Variants in ANK2 observed in about 807,000 individuals in gnomAD.
ANK2 encodes the protein ankyrin 2, also known as ankyrin-2.
Under a neutral mutation model 360.5 loss-of-function variants are expected in ANK2, and 83 were observed. The ratio of observed to expected loss-of-function variants is 0.23; its 90% CI spans 0.19 to 0.28. The LOEUF (loss-of-function observed/expected upper bound fraction) is 0.28, where lower values mean the gene tolerates loss of function less well. ANK2 is among the 10% of genes least tolerant of loss of function. The pLI is 1.00. For synonymous variants in ANK2, 1,740 were observed against 1,759.5 expected, an observed-to-expected ratio of 0.99 and a Z score of 0.28; for missense variants, 4,201 against 4,795.7, an observed-to-expected ratio of 0.88 and a Z score of 3.66.
Position 112,937,004 on chromosome 4 carries a change from A to G in ANK2, c.21+32490A>G, listed in dbSNP as rs535947354. 7.2e-5 allele frequency among the ~76,000 whole-genome samples: 11 copies of G among 152,154 alleles called. No individual in the cohort carries two copies. The South Asian group carries it at 1.9e-3, about 26-fold the overall frequency. ...GAGACAAGGTCTTACTGTGTTGCTC[A>G]GGCTGGTCTTGGACTGAACTCAAGC... On this transcript the variant is annotated intron_variant, in intron 2 of 30. Transcript: ENST00000503271.
chr4:113,306,112 G>T (rs1452409674), intron 23 of ANK2, among the ~76,000 whole-genome samples: 1 of 152,128 alleles, frequency 6.6e-6, no homozygotes, highest in Non-Finnish European at 1.5e-5. Flanking sequence ...ATGCCACAGT[G>T]GTCAAAGGTG....
chr4:113,190,463 A>G (rs1305189107), intron 2 of ANK2, among the ~76,000 whole-genome samples: 2 of 150,864 alleles, frequency 1.3e-5, no homozygotes, highest in Non-Finnish European at 2.9e-5. Context: ...ATAACATTCT[A>G]CAATTCATTT....
chr4:112,752,227 T>C, the ANK2 span, among the ~76,000 whole-genome samples: 1 of 152,248 alleles, frequency 6.6e-6, no homozygotes, highest in South Asian at 2.1e-4. Context: ...CTTTACCATT[T>C]GCTTCAACTC....
At chr4:113,215,820 C>A (rs182635177) in intron 4 of ANK2, among the ~76,000 whole-genome samples, 6 of 152,170 alleles carry the variant, frequency 3.9e-5, no homozygotes, top group African/African-American at 7.2e-5. Context: ...AACAAAAAAA[C>A]CCACTTTTTT....
At position 112,839,114 on chromosome 4, in the gene ANK2, C is replaced by T. The variant is rs35209014; in HGVS notation, c.-40+20850C>T. The stretch of plus-strand genomic sequence containing the variant: ...GTCCATGAAGACATTTTGCACCCCT[C>T]GTTTGGTAACACTTTGTCCATGTGA... On this transcript the variant is annotated intron_variant, in intron 1 of 30. Transcript: ENST00000503271. 4.9e-3 allele frequency among the ~76,000 whole-genome samples: 744 copies of T among 152,302 alleles called. 7 individuals carry two copies. The highest frequency in any genetic ancestry group is 0.017 in the African/African-American group (692 of 41,562).
chr4:113,081,414 G>A (rs1005931086), intron 1 of ANK2, among the ~76,000 whole-genome samples: 2 of 152,018 alleles, frequency 1.3e-5, no homozygotes, highest in Non-Finnish European at 2.9e-5. Flanking sequence ...TAATACAGCT[G>A]GCTTCTGTTT....
At chr4:113,189,265 A>G (rs545665920) in intron 2 of ANK2, among the ~76,000 whole-genome samples, 2 of 152,072 alleles carry the variant, frequency 1.3e-5, no homozygotes, top group South Asian at 2.1e-4. Context: ...TATTTAGAAG[A>G]CTCTTCAAAG....
At chr4:112,928,262 T>C (rs2092797632) in intron 2 of ANK2, among the ~76,000 whole-genome samples, 1 of 152,126 alleles carries the variant, frequency 6.6e-6, no homozygotes, top group South Asian at 2.1e-4. Context: ...CAGAAGTGTC[T>C]TTCATTTTTC....
At chr4:113,255,434 T>C (rs2048760327) in intron 10 of ANK2, among the ~76,000 whole-genome samples, 1 of 152,210 alleles carries the variant, frequency 6.6e-6, no homozygotes, top group African/African-American at 2.4e-5. Flanking sequence ...TATTATTTAT[T>C]TTTCTGTATT....
intron 2 of ANK2, among the ~76,000 whole-genome samples, chr4:112,982,142 A>G (rs2043292732): frequency 6.6e-6 from 1 of 152,214 alleles, no homozygotes; most frequent in Admixed American, 6.5e-5. Context: ...TGGCCTGTGA[A>G]TTAAAAAAGA....
chr4:113,230,520 A>G (rs948621917), intron 4 of ANK2, among the ~76,000 whole-genome samples: 1 of 152,146 alleles, frequency 6.6e-6, no homozygotes, highest in South Asian at 2.1e-4. Context: ...ATCTCAAAAA[A>G]AAAAAAATGT....
intron 4 of ANK2, among the ~76,000 whole-genome samples, chr4:113,210,160 C>T (rs1418031936): frequency 1.3e-5 from 2 of 152,116 alleles, no homozygotes; most frequent in Non-Finnish European, 2.9e-5. Flanking sequence ...CCTGGAATTC[C>T]CCTTGAAGGA....
rs779535881 is a variant in ANK2, at chr4:113,292,472, C to T, written c.2334C>T (p.Asn778=). Residue 778 remains asparagine, a synonymous_variant, in exon 21 of 46, where the codon AAC becomes AAT. Transcript: ENST00000357077. ...AGCAGGGTCACACGCACATCATCAA[C>T]GTCCTGCTCCAGCATGGGGCCAAGC... The part of the protein sequence containing the change: ...AAQQGHTHII[N]VLLQHGAKPN... 9.9e-6 allele frequency: 16 copies of T among 1,611,852 alleles called. No homozygotes were observed. The highest frequency in any genetic ancestry group is 1.2e-5 in the Non-Finnish European group (14 of 1,179,016).
intron 2 of ANK2, among the ~76,000 whole-genome samples, chr4:113,013,509 A>C (rs1254588100): frequency 6.6e-6 from 1 of 152,192 alleles, no homozygotes; most frequent in African/African-American, 2.4e-5. Context: ...ATACTTATCT[A>C]AAATGTAGGC....
Position 113,317,711 on chromosome 4 carries a change from C to T in ANK2, c.2698C>T (p.Arg900Ter), listed in dbSNP as rs1162799877. 6.2e-7 allele frequency: 1 copy of T among 1,613,724 alleles called. No homozygotes were observed. The highest frequency in any genetic ancestry group is 8.5e-7 in the Non-Finnish European group (1 of 1,179,786). ...GGCCTCCTGCCAACCTACCAGCCTT[C>T]GATCCTTCAGTTCCGACAGGTCTCA... is the stretch of plus-strand genomic sequence containing the variant. Reference protein sequence around the residue: ...SLEGGRSDSLRSFSSDRSHTL... With the variant: ...SLEGGRSDSL Residue 900 changes from arginine (R) to a stop codon, truncating the protein, a stop_gained, in exon 25 of 46, where the codon CGA becomes TGA. Transcript: ENST00000357077. LOFTEE classifies it high-confidence loss of function.
At chr4:113,028,546 GAGACATGTTCT>G (rs1393009737) in intron 2 of ANK2, among the ~76,000 whole-genome samples, 4 of 152,134 alleles carry the variant, frequency 2.6e-5, no homozygotes, top group African/African-American at 4.8e-5. Flanking sequence ...CACTACAATA[GAGACATGTTCT>G]AAGGACACAG....
intron 2 of ANK2, among the ~76,000 whole-genome samples, chr4:113,026,211 A>G (rs767231411): frequency 6.6e-6 from 1 of 152,184 alleles, no homozygotes; most frequent in Non-Finnish European, 1.5e-5. Context: ...ATCTGTTGTC[A>G]TGTAGGAATG....
chr4:113,233,049 C>T (rs1019426000), intron 5 of ANK2, among the ~76,000 whole-genome samples: 3 of 146,750 alleles, frequency 2.0e-5, no homozygotes, highest in Non-Finnish European at 4.5e-5. Flanking sequence ...AGAGAGCTCC[C>T]CTGAGACATG....
At chr4:113,290,106 T>C (rs979729577) in intron 20 of ANK2, among the ~76,000 whole-genome samples, 1 of 152,170 alleles carries the variant, frequency 6.6e-6, no homozygotes, top group Non-Finnish European at 1.5e-5. Flanking sequence ...TCCCTGGAGT[T>C]TGACCTGCAC....
Sources: allele counts gnomAD v4.1 joint callset (sites outside exome capture counted in the v4.1 genomes callset), GRCh38; gene constraint gnomAD v4.1.1; transcripts MANE v1.5; gene names NCBI Gene and HGNC (gene_info 2026-07-23, HGNC 2026-07-21).